The following SLC36A1 variants were observed in gnomAD, a reference collection of about 807,000 sequenced individuals.
SLC36A1 encodes proton-coupled amino acid transporter 1.
A neutral mutation model predicts 47.5 loss-of-function variants in SLC36A1; 30 were observed. The ratio of observed to expected loss-of-function variants is 0.63; its 90% CI spans 0.47 to 0.86. SLC36A1 has a LOEUF of 0.86. SLC36A1 is among the 40% of genes least tolerant of loss of function. The pLI, the probability that SLC36A1 is intolerant of heterozygous loss-of-function variation, is 0.00. For missense variants in SLC36A1, 517 were observed against 606.0 expected (o/e 0.85, Z 1.54); for synonymous variants, 255 against 249.7 (o/e 1.02, Z -0.20).
At chr5:151,433,221 CATATATATATATATATATATATATAT>C (rs1370126169), upstream of SLC36A1, among the ~76,000 whole-genome samples, 141 of 17,354 alleles carry the variant, frequency 8.1e-3, 1 homozygote, top group South Asian at 0.016. Context: ...TTCTGAATAA[CATATATATATATATATATATATATAT>C]ATATATATAT....
the SLC36A1 span, among the ~76,000 whole-genome samples, chr5:151,377,654 T>C: frequency 5.9e-5 from 9 of 152,314 alleles, no homozygotes; most frequent in East Asian, 1.7e-3. Context: ...GCCTGCTGTC[T>C]CTTTCTTTAG....
chr5:151,546,184 A>G, the SLC36A1 span: 1 of 1,614,202 alleles, frequency 6.2e-7, no homozygotes, highest in Non-Finnish European at 8.5e-7. Flanking sequence ...ATAGACATGA[A>G]TGATCACTGT....
the SLC36A1 span, among the ~76,000 whole-genome samples, chr5:151,518,613 G>A: frequency 6.6e-6 from 1 of 152,146 alleles, no homozygotes; most frequent in African/African-American, 2.4e-5. Context: ...GAGAGGTCAA[G>A]AGCCACTCTA....
chr5:151,394,443 C>A, the SLC36A1 span, among the ~76,000 whole-genome samples: 1 of 152,228 alleles, frequency 6.6e-6, no homozygotes, highest in Non-Finnish European at 1.5e-5. Flanking sequence ...CCATTGCTGG[C>A]GAGGAGCTGC....
the SLC36A1 span, chr5:151,543,448 C>T: frequency 8.7e-5 from 140 of 1,614,008 alleles, no homozygotes; most frequent in Non-Finnish European, 1.1e-4. Flanking sequence ...TCCTCCATCC[C>T]GAGCCATGAC....
the SLC36A1 span, among the ~76,000 whole-genome samples, chr5:151,533,804 G>T: frequency 6.6e-6 from 1 of 151,704 alleles, no homozygotes; most frequent in Non-Finnish European, 1.5e-5. Context: ...ATGTATACAT[G>T]CAGGTATGTA....
At chr5:151,378,088 G>A in the SLC36A1 span, 1 of 350,732 alleles carries the variant, frequency 2.9e-6, no homozygotes, top group Non-Finnish European at 5.7e-6. Context: ...AGGTATACAG[G>A]TTGATGTTGG....
downstream of SLC36A1, among the ~76,000 whole-genome samples, chr5:151,492,547 A>G (rs1440097479): frequency 2.0e-5 from 3 of 152,064 alleles, no homozygotes; most frequent in Non-Finnish European, 4.4e-5. Flanking sequence ...GAAAGGGACT[A>G]GGAATGGTTT....
the SLC36A1 span, chr5:151,506,117 T>C: frequency 2.0e-6 from 3 of 1,497,464 alleles, no homozygotes; most frequent in South Asian, 4.1e-5. Flanking sequence ...AACAGCAAGA[T>C]AGGGTGAGCT....
chr5:151,507,672 T>G, the SLC36A1 span: 1 of 1,441,544 alleles, frequency 6.9e-7, no homozygotes, highest in Non-Finnish European at 9.3e-7. Flanking sequence ...TGTCCCCTCT[T>G]ACAGAGATCT....
the SLC36A1 span, among the ~76,000 whole-genome samples, chr5:151,537,216 A>T: frequency 7.5e-6 from 1 of 133,488 alleles, no homozygotes; most frequent in Non-Finnish European, 1.7e-5. Flanking sequence ...GAAGAGGAAG[A>T]AGAAGAGGAG....
At chr5:151,409,525 G>A in the SLC36A1 span, among the ~76,000 whole-genome samples, 1 of 152,146 alleles carries the variant, frequency 6.6e-6, no homozygotes, top group Non-Finnish European at 1.5e-5. Flanking sequence ...TGAGGGCATG[G>A]AAACCACAAC....
chr5:151,433,582 C>T (rs1021467598), upstream of SLC36A1, among the ~76,000 whole-genome samples: 13 of 151,640 alleles, frequency 8.6e-5, no homozygotes, highest in East Asian at 2.0e-4. Flanking sequence ...TGAGCCACCA[C>T]GCCCGGCCTG....
chr5:151,429,366 A>T, the SLC36A1 span, among the ~76,000 whole-genome samples: 2 of 99,682 alleles, frequency 2.0e-5, no homozygotes, highest in African/African-American at 8.1e-5. Context: ...ACCCCACAAC[A>T]GTCCCTGGAG....
At chr5:151,526,922 A>G in the SLC36A1 span, among the ~76,000 whole-genome samples, 6 of 152,330 alleles carry the variant, frequency 3.9e-5, no homozygotes, top group East Asian at 1.9e-4. Flanking sequence ...CTGGGGTTCA[A>G]TCCCAAGTTT....
In SLC36A1 at chr5:151,491,157, C is replaced by G. The variant is rs951995623; in HGVS notation, c.*2903C>G. The stretch of plus-strand genomic sequence containing the variant: ...TGCTGTTGGGAGCGGGCTTCCAGCT[C>G]TCAGTGGGCAGTGCACCTCCTCCTA... On this transcript the variant is annotated 3_prime_UTR_variant, in exon 11 of 11. Transcript: ENST00000243389. 1 of 152,660 alleles carries G rather than the reference C, an allele frequency of 6.6e-6. No individual in the cohort carries two copies. The highest frequency in any genetic ancestry group is 2.4e-5 in the African/African-American group (1 of 41,452). The allele number at this position is 152,660 out of a possible 1,614,324, so 9.5% of individuals were successfully genotyped here.
the SLC36A1 span, among the ~76,000 whole-genome samples, chr5:151,519,518 G>A: frequency 2.6e-5 from 4 of 152,082 alleles, no homozygotes; most frequent in East Asian, 3.9e-4. Flanking sequence ...AAGTTCTCTC[G>A]GAGAATCTGA....
At position 151,473,699 on chromosome 5, in the gene SLC36A1, C is replaced by T. The variant is rs1757640247; in HGVS notation, c.750C>T (p.Pro250=). Residue 250 remains proline (P), a synonymous_variant, in exon 8 of 11, where the codon CCC becomes CCT. Coordinates refer to ENST00000243389, the MANE Select transcript of SLC36A1 (RefSeq NM_078483.4). The part of the protein sequence containing the change: ...VQRIPDPSHL[P]LVAPWKTYPL... ...GGATCCCAGACCCCAGCCACCTCCC[C>T]TTGGTGGCCCCTTGGAAGACCTACC... The T allele has an allele frequency of 6.2e-7, 1 of 1,613,598 alleles. No homozygotes were observed. Among genetic ancestry groups the T allele is most frequent in the South Asian group, 1.1e-5 (1 of 91,078 alleles).
At chr5:151,546,097 G>A in the SLC36A1 span, 5 of 1,614,016 alleles carry the variant, frequency 3.1e-6, no homozygotes, top group Non-Finnish European at 4.2e-6. Context: ...GAGGATTGGG[G>A]AACCAACAGG....
Sources: gnomAD v4.1 joint callset for allele counts (sites outside exome capture counted in the v4.1 genomes callset) on GRCh38, gnomAD v4.1.1 for gene constraint, MANE v1.5 for transcripts, NCBI Gene and HGNC (gene_info 2026-07-23, HGNC 2026-07-21) for gene names.